CDH26: variants seen among roughly 807,000 people sequenced by gnomAD.
The protein encoded by CDH26 is cadherin 26, also known as cadherin-like protein 26.
A neutral mutation model predicts 90.3 loss-of-function variants in CDH26; 83 were observed. The ratio of observed to expected loss-of-function variants is 0.92; its 90% CI spans 0.77 to 1.10. The LOEUF (loss-of-function observed/expected upper bound fraction) is 1.10. CDH26 is among the 50% of genes least tolerant of loss of function. The pLI, the probability that CDH26 is intolerant of heterozygous loss-of-function variation, is 0.00. For synonymous variants in CDH26, 397 were observed against 396.3 expected, an observed-to-expected ratio of 1.00 and a Z score of -0.02; for missense variants, 1,013 against 1,037.6, an observed-to-expected ratio of 0.98 and a Z score of 0.33.
chr20:60,033,773 A>ATG lies in CDH26; in HGVS notation c.*128_*129dup, dbSNP rs3043443. On this transcript the variant is annotated 3_prime_UTR_variant, in exon 9 of 9. Transcript: ENST00000370991. ...GATGGCAATTATCCAGGTAGACAAGATGTGTGTGTGTGTGTGTGTGTGTGT... is the reference window on the plus strand; with the variant it reads ...GATGGCAATTATCCAGGTAGACAAGATGTGTGTGTGTGTGTGTGTGTGTGTGT... 9.9e-3 allele frequency: 8,930 copies of ATG among 897,524 alleles called. 29 individuals carry two copies. Among genetic ancestry groups the ATG allele is most frequent in the Middle Eastern group, 0.02 (38 of 1,940 alleles). The allele number at this position is 897,524 out of a possible 1,614,324, so 55.6% of individuals were successfully genotyped here. A position where few individuals can be genotyped will look rare whatever the true frequency, so the allele number is the denominator to read the frequency against.
At chr20:59,967,198 G>A (rs1038203923) in intron 1 of CDH26, among the ~76,000 whole-genome samples, 3 of 152,036 alleles carry the variant, frequency 2.0e-5, no homozygotes, top group Admixed American at 2.0e-4. Context: ...AGATGAGGGA[G>A]GGGTACACAG....
At chr20:60,016,368 T>C (rs145605486), downstream of CDH26, among the ~76,000 whole-genome samples, 863 of 152,258 alleles carry the variant, frequency 5.7e-3, 5 homozygotes, top group Non-Finnish European at 8.2e-3. Flanking sequence ...TATTTTAGTT[T>C]TTTGTAGTTA....
chr20:60,000,722 T>C (rs991485667), intron 14 of CDH26, among the ~76,000 whole-genome samples: 3 of 152,220 alleles, frequency 2.0e-5, no homozygotes, highest in Admixed American at 6.5e-5. Context: ...GGTGTATCTC[T>C]GGGTTCCCTT....
chr20:60,004,086 A>G (rs1355100069), intron 16 of CDH26, among the ~76,000 whole-genome samples: 1 of 152,214 alleles, frequency 6.6e-6, no homozygotes, highest in Non-Finnish European at 1.5e-5. Context: ...GACTGAGGGC[A>G]CAGCATCTCC....
chr20:60,021,879 C>CAT (rs1479872163), intron 7 of CDH26, among the ~76,000 whole-genome samples: 2,863 of 98,456 alleles, frequency 0.029, 157 homozygotes, highest in African/African-American at 0.061. Flanking sequence ...CACACACACA[C>CAT]ACACACACAC....
intron 1 of CDH26, among the ~76,000 whole-genome samples, chr20:59,964,009 C>T (rs771403753): frequency 6.6e-6 from 1 of 152,230 alleles, no homozygotes; most frequent in South Asian, 2.1e-4. Context: ...AGACTCCTTT[C>T]CTATGGCTAG....
chr20:59,993,247 CT>C (rs11438499), intron 10 of CDH26, among the ~76,000 whole-genome samples: 2,098 of 151,610 alleles, frequency 0.014, 22 homozygotes, highest in South Asian at 0.024. Flanking sequence ...ATGATTGGTA[CT>C]TTTTTTTTCC....
chr20:59,989,234 A>G (rs1215581293), intron 9 of CDH26, 71 bp downstream of exon 9: 2 of 1,587,758 alleles, frequency 1.3e-6, no homozygotes, highest in Non-Finnish European at 1.7e-6. Context: ...GGCTCCTGTT[A>G]GAAAACCAGC....
Position 59,989,136 on chromosome 20 carries a change from A to G in CDH26, c.1256A>G (p.Asn419Ser), listed in dbSNP as rs758368921. 4 of 1,614,092 alleles carry G rather than the reference A, an allele frequency of 2.5e-6. No individual in the cohort carries two copies. The highest frequency in any genetic ancestry group is 1.3e-5 in the African/African-American group (1 of 74,934). ...CCTGGGACCCTGTTGGGAACTTTTA[A>G]TGCCATGGATCCAGACAGCCAGATA... Reference protein sequence around the residue: ...ARPGTLLGTFNAMDPDSQIRY... With the variant: ...ARPGTLLGTFSAMDPDSQIRY... The change falls in exon 9 of 18, where the codon AAT becomes AGT. Residue 419 changes from asparagine (N) to serine (S), a missense_variant. Transcript: ENST00000348616.
chr20:59,991,698 C>T (rs77346924), intron 9 of CDH26, among the ~76,000 whole-genome samples: 425 of 152,312 alleles, frequency 2.8e-3, no homozygotes, highest in African/African-American at 9.8e-3. Context: ...TGCCCCTCTC[C>T]GCACCTTTCT....
At chr20:59,963,802 A>G (rs1370861877) in intron 1 of CDH26, among the ~76,000 whole-genome samples, 5 of 152,022 alleles carry the variant, frequency 3.3e-5, no homozygotes, top group Non-Finnish European at 5.9e-5. Context: ...TGTGATTTCT[A>G]GGGTCCAAAT....
rs568511092 is a variant in CDH26, at chr20:59,972,271, A to G, written c.393+148A>G. On this transcript the variant is annotated intron_variant, in intron 4 of 17. Transcript: ENST00000348616. ...GTGACAAGCTTTACGAGTATGCCTGAGACTTTTGTAATCTTCTTTTAGAGT... is the reference window on the plus strand; with the variant it reads ...GTGACAAGCTTTACGAGTATGCCTGGGACTTTTGTAATCTTCTTTTAGAGT... 9 of 706,366 alleles carry G rather than the reference A, an allele frequency of 1.3e-5. 1 individual carries two copies. The Admixed American group carries it at 2.6e-4, about 21-fold the overall frequency. 43.8% of individuals were successfully genotyped at this position (706,366 alleles called of 1,614,324 possible).
intron 7 of CDH26, among the ~76,000 whole-genome samples, chr20:59,985,372 C>T (rs554377483): frequency 1.3e-5 from 2 of 152,148 alleles, no homozygotes; most frequent in East Asian, 1.9e-4. Flanking sequence ...ATGATCATGG[C>T]GGAAGGACGG....
chr20:60,018,933 G>A (rs986135303), downstream of CDH26, among the ~76,000 whole-genome samples: 16 of 151,658 alleles, frequency 1.1e-4, no homozygotes, highest in African/African-American at 3.9e-4. Flanking sequence ...ACTTTTGCTT[G>A]TCTGTGAAAG....
intron 12 of CDH26, chr20:59,996,394 A>C: frequency 6.7e-7 from 1 of 1,486,794 alleles, no homozygotes; most frequent in African/African-American, 1.4e-5. Context: ...CAGCTTTTCC[A>C]AGAAACAATA....
intron 5 of CDH26, 129 bp from the exon 6 acceptor site, chr20:59,984,503 CATAGTTT>C (rs2061428953): frequency 1.6e-6 from 1 of 625,092 alleles, no homozygotes. Flanking sequence ...CTAGTATGTC[CATAGTTT>C]ATTTTATATT....
intron 4 of CDH26, among the ~76,000 whole-genome samples, chr20:59,976,896 T>A (rs1043832462): frequency 1.3e-5 from 2 of 152,006 alleles, no homozygotes; most frequent in Non-Finnish European, 2.9e-5. Context: ...AGGAAGGGGA[T>A]GGAGAGAGTG....
chr20:60,011,467 A>G (rs1313860466), intron 17 of CDH26, among the ~76,000 whole-genome samples: 2 of 152,238 alleles, frequency 1.3e-5, no homozygotes, highest in Non-Finnish European at 2.9e-5. Flanking sequence ...CATTCACTCA[A>G]ATAAATATGT....
Position 59,989,154 on chromosome 20 carries a change from G to A in CDH26, c.1274G>A (p.Ser425Asn). The change falls in exon 9 of 18, where the codon AGC becomes AAC. Residue 425 changes from serine (S) to asparagine (N), a missense_variant. Ser to Asn is a conservative substitution (Grantham distance 46). Coordinates refer to ENST00000348616, the MANE Select transcript of CDH26 (RefSeq NM_177980.4). ...LGTFNAMDPD[S>N]QIRYELVHDP... ...ACTTTTAATGCCATGGATCCAGACA[G>A]CCAGATAAGGTGAGAAGAGAGGGCC... 1 of 1,614,166 alleles carries A rather than the reference G, an allele frequency of 6.2e-7. No individual in the cohort carries two copies. Among genetic ancestry groups the A allele is most frequent in the Non-Finnish European group, 8.5e-7 (1 of 1,180,028 alleles).
Sources: gnomAD v4.1 joint callset for allele counts (sites outside exome capture counted in the v4.1 genomes callset) on GRCh38, gnomAD v4.1.1 for gene constraint, MANE v1.5 for transcripts, NCBI Gene and HGNC (gene_info 2026-07-23, HGNC 2026-07-21) for gene names.